Variants in AGBL4 observed in about 807,000 individuals in gnomAD.
AGBL4 encodes AGBL carboxypeptidase 4.
In AGBL4, 58 loss-of-function variants were observed where a neutral mutation model predicts 66.4. The observed-to-expected ratio is 0.87, with a 90% confidence interval of 0.71 to 1.09. The LOEUF (loss-of-function observed/expected upper bound fraction) is 1.09, where lower values mean the gene tolerates loss of function less well. Among genes scored for constraint, AGBL4 ranks in the 50% least tolerant of loss-of-function variants. AGBL4 has a pLI of 0.00. For synonymous variants in AGBL4, 234 were observed against 222.9 expected (o/e 1.05, Z -0.44); for missense variants, 579 against 631.0 (o/e 0.92, Z 0.88).
At chr1:49,654,582 A>G (rs1056450507) in intron 3 of AGBL4, among the ~76,000 whole-genome samples, 2 of 152,006 alleles carry the variant, frequency 1.3e-5, no homozygotes, top group Non-Finnish European at 2.9e-5. Flanking sequence ...GTCTCTAAGG[A>G]CTTGCTTTAT....
chr1:49,882,363 C>T (rs1244771348), intron 1 of AGBL4, among the ~76,000 whole-genome samples: 11 of 150,862 alleles, frequency 7.3e-5, no homozygotes, highest in South Asian at 6.4e-4. Context: ...ATTGACTTGG[C>T]GATGTGGGCT....
intron 1 of AGBL4, among the ~76,000 whole-genome samples, chr1:49,942,955 A>C (rs1198202866): frequency 6.6e-6 from 1 of 152,200 alleles, no homozygotes; most frequent in African/African-American, 2.4e-5. Flanking sequence ...CAAATAATTC[A>C]ATATCAATCA....
At chr1:49,644,462 A>T (rs1645845518) in intron 3 of AGBL4, among the ~76,000 whole-genome samples, 1 of 151,648 alleles carries the variant, frequency 6.6e-6, no homozygotes, top group Admixed American at 6.6e-5. Context: ...ATGGGAAAAG[A>T]TTTACCATTC....
At chr1:49,544,082 A>G (rs879406271) in intron 3 of AGBL4, among the ~76,000 whole-genome samples, 1 of 152,130 alleles carries the variant, frequency 6.6e-6, no homozygotes, top group Admixed American at 6.5e-5. Context: ...TCTACATACA[A>G]TGACTCAGGT....
intron 3 of AGBL4, among the ~76,000 whole-genome samples, chr1:49,682,573 T>A (rs779327532): frequency 2.6e-5 from 4 of 152,194 alleles, no homozygotes; most frequent in Non-Finnish European, 5.9e-5. Flanking sequence ...TTTCAATAGC[T>A]TACATGTTAG....
intron 2 of AGBL4, among the ~76,000 whole-genome samples, chr1:49,813,015 C>T (rs987820653): frequency 6.6e-6 from 1 of 152,076 alleles, no homozygotes; most frequent in African/African-American, 2.4e-5. Flanking sequence ...CTGCAAGAAA[C>T]TTAAACAATA....
rs371964134 is a variant in AGBL4 at position 49,615,495 on chromosome 1, A to G, written c.282+81818T>C. On this transcript the variant is annotated intron_variant, in intron 3 of 13. Coordinates refer to ENST00000371839, the MANE Select transcript of AGBL4 (RefSeq NM_032785.4). ...GGTATCTGATTTTAAAGGATTATATAGAAATATGAAGAGATGAGACAGCTG... is the reference window on the plus strand; with the variant it reads ...GGTATCTGATTTTAAAGGATTATATGGAAATATGAAGAGATGAGACAGCTG... Among the ~76,000 whole-genome samples the G allele has an allele frequency of 9.9e-5, 15 of 152,284 alleles. No individual in the cohort carries two copies. The East Asian group carries it at 2.1e-3, about 22-fold the overall frequency.
chr1:49,426,707 C>T (rs1028860269), intron 3 of AGBL4, among the ~76,000 whole-genome samples: 1 of 152,112 alleles, frequency 6.6e-6, no homozygotes, highest in Non-Finnish European at 1.5e-5. Flanking sequence ...GTAGGTACTA[C>T]TACTTATTTT....
intron 4 of AGBL4, among the ~76,000 whole-genome samples, chr1:49,237,282 AC>A (rs1451280378): frequency 1.4e-5 from 2 of 147,708 alleles, no homozygotes; most frequent in African/African-American, 2.5e-5. Flanking sequence ...AAAAAAAAAA[AC>A]CCCCCAAAAA....
At chr1:48,952,160 C>T (rs1657045704) in intron 5 of AGBL4, among the ~76,000 whole-genome samples, 1 of 152,154 alleles carries the variant, frequency 6.6e-6, no homozygotes, top group Admixed American at 6.6e-5. Flanking sequence ...ACAATGTCTC[C>T]AGAAAAGTAC....
At chr1:49,416,398 C>T (rs1269866871) in intron 3 of AGBL4, among the ~76,000 whole-genome samples, 1 of 152,080 alleles carries the variant, frequency 6.6e-6, no homozygotes, top group African/African-American at 2.4e-5. Context: ...TGGTTCATAT[C>T]TCAGTTCCAC....
intron 6 of AGBL4, among the ~76,000 whole-genome samples, chr1:48,739,132 T>TGC (rs1218534044): frequency 6.6e-6 from 1 of 152,214 alleles, no homozygotes; most frequent in African/African-American, 2.4e-5. Context: ...TGTATCTGCC[T>TGC]GGCTACTTCC....
chr1:48,837,700 A>G (rs927977617), intron 6 of AGBL4, among the ~76,000 whole-genome samples: 1 of 96,916 alleles, frequency 1.0e-5, no homozygotes, highest in African/African-American at 5.3e-5. Flanking sequence ...ACACACACGC[A>G]CACACACACA....
chr1:49,295,896 T>C (rs1042328294), intron 3 of AGBL4, among the ~76,000 whole-genome samples: 2 of 152,160 alleles, frequency 1.3e-5, no homozygotes, highest in African/African-American at 4.8e-5. Context: ...CAAGCCTCCA[T>C]AGCAACTTGG....
chr1:48,571,997 C>T (rs975978088), intron 11 of AGBL4, among the ~76,000 whole-genome samples: 2 of 152,094 alleles, frequency 1.3e-5, no homozygotes, highest in African/African-American at 4.8e-5. Context: ...AGGTCAAGTC[C>T]CCAATTTATG....
intron 1 of AGBL4, among the ~76,000 whole-genome samples, chr1:49,948,098 GTATA>G (rs557776678): frequency 9.1e-5 from 8 of 87,626 alleles, no homozygotes; most frequent in Non-Finnish European, 1.6e-4. Flanking sequence ...ATATGTATAT[GTATA>G]TATATGTAAA....
At chr1:49,873,884 G>T (rs902890466) in intron 1 of AGBL4, among the ~76,000 whole-genome samples, 2 of 151,992 alleles carry the variant, frequency 1.3e-5, no homozygotes, top group Admixed American at 6.6e-5. Context: ...TAGAAATCAA[G>T]TTGATTGTAA....
At chr1:49,298,516 T>C (rs1644684741) in intron 3 of AGBL4, among the ~76,000 whole-genome samples, 1 of 152,180 alleles carries the variant, frequency 6.6e-6, no homozygotes, top group Non-Finnish European at 1.5e-5. Flanking sequence ...CTCCAAGGAC[T>C]TTCAGCAGCA....
At chr1:48,930,159 A>G (rs1654920300) in intron 5 of AGBL4, among the ~76,000 whole-genome samples, 1 of 152,234 alleles carries the variant, frequency 6.6e-6, no homozygotes, top group East Asian at 1.9e-4. Flanking sequence ...GATCACATAC[A>G]GAAAGGAGCT....
Sources: gnomAD v4.1 joint callset for allele counts (sites outside exome capture counted in the v4.1 genomes callset) on GRCh38, gnomAD v4.1.1 for gene constraint, MANE v1.5 for transcripts, NCBI Gene and HGNC (gene_info 2026-07-23, HGNC 2026-07-21) for gene names.